Variants in TACC2 observed in about 807,000 individuals in gnomAD.
TACC2 encodes the protein transforming acidic coiled-coil containing protein 2.
In TACC2, 137 loss-of-function variants were observed where a neutral mutation model predicts 227.3. The ratio of observed to expected loss-of-function variants is 0.60; its 90% CI spans 0.52 to 0.69. TACC2 has a LOEUF of 0.69. TACC2 is among the 30% of genes least tolerant of loss of function. The pLI, the probability that TACC2 is intolerant of heterozygous loss-of-function variation, is 0.00. For synonymous variants in TACC2, 1,523 were observed against 1,487.5 expected (o/e 1.02, Z -0.55); for missense variants, 3,470 against 3,694.4 (o/e 0.94, Z 1.57).
intron 3 of TACC2, among the ~76,000 whole-genome samples, chr10:122,065,600 T>C (rs932515714): frequency 1.3e-5 from 2 of 152,200 alleles, no homozygotes; most frequent in African/African-American, 4.8e-5. Flanking sequence ...TATTGGATGG[T>C]GTTAAAAAAG....
In TACC2 at chr10:122,084,058, A is replaced by G; in HGVS notation, c.1558A>G (p.Lys520Glu). ...QPGVPPPPLP[K>E]EQSHEVQPGA... ...AGGAGTACCACCCCCTCCTCTTCCCAAGGAGCAAAGCCATGAGGTCCAACC... is the reference window on the plus strand; with the variant it reads ...AGGAGTACCACCCCCTCCTCTTCCCGAGGAGCAAAGCCATGAGGTCCAACC... Residue 520 changes from lysine to glutamate, a missense_variant, in exon 4 of 23, where the codon AAG becomes GAG. Around this residue, in one of 10 missense-constraint regions of TACC2, gnomAD observed 1,924 missense variants for 1,978.3 expected, o/e 0.97. Transcript: ENST00000369005. 1.9e-6 allele frequency: 3 copies of G among 1,614,072 alleles called. No individual in the cohort carries two copies. Among genetic ancestry groups the G allele is most frequent in the Non-Finnish European group, 2.5e-6 (3 of 1,180,010 alleles).
rs1360385252 is a variant in TACC2, at chr10:122,150,873, G to T, written c.5834+7167G>T. Among the ~76,000 whole-genome samples, 1 of 152,152 alleles carries T rather than the reference G, an allele frequency of 6.6e-6. No individual in the cohort carries two copies. Among genetic ancestry groups the T allele is most frequent in the Non-Finnish European group, 1.5e-5 (1 of 68,034 alleles). The stretch of plus-strand genomic sequence containing the variant: ...GCCAGCCTCTCGGCAGATACATCCC[G>T]GTTGATTCTATGCCACGGACTATTC... On this transcript the variant is annotated intron_variant, in intron 7 of 22. Transcript: ENST00000369005. This position sits in a 1 kb window ranked among gnomAD's most constrained non-coding sequence, Gnocchi z 4.0.
intron 1 of TACC2, among the ~76,000 whole-genome samples, chr10:121,995,559 A>G (rs1202499814): frequency 6.6e-6 from 1 of 152,178 alleles, no homozygotes; most frequent in Non-Finnish European, 1.5e-5. Flanking sequence ...GCATTGCTGT[A>G]AAGGAACACC....
chr10:122,038,470 G>A (rs1032577495), intron 2 of TACC2, among the ~76,000 whole-genome samples: 1 of 152,190 alleles, frequency 6.6e-6, no homozygotes, highest in Non-Finnish European at 1.5e-5. Flanking sequence ...GGAGTGAGTA[G>A]GTGGGGGACC....
At chr10:122,169,073 G>C (rs1182492805) in intron 7 of TACC2, among the ~76,000 whole-genome samples, 1 of 152,222 alleles carries the variant, frequency 6.6e-6, no homozygotes, top group East Asian at 1.9e-4. Context: ...GACTGAGTCA[G>C]AACTGCTCAC....
intron 3 of TACC2, among the ~76,000 whole-genome samples, chr10:122,061,021 G>C (rs1334937824): frequency 8.8e-3 from 78 of 8,888 alleles, no homozygotes; most frequent in East Asian, 0.023. Flanking sequence ...AAAAAAAAAG[G>C]GGGGGGGGCC....
intron 22 of TACC2, among the ~76,000 whole-genome samples, chr10:122,251,130 G>T (rs1228350589): frequency 1.3e-5 from 2 of 151,778 alleles, no homozygotes; most frequent in Non-Finnish European, 1.5e-5. Flanking sequence ...TCACTTTGTT[G>T]CCCAGGCTGG....
At chr10:122,108,240 A>G (rs560391644) in intron 5 of TACC2, among the ~76,000 whole-genome samples, 2 of 152,086 alleles carry the variant, frequency 1.3e-5, no homozygotes, top group East Asian at 3.9e-4. Flanking sequence ...GCTCCCACTT[A>G]TGAATGAGAA....
chr10:122,127,536 CTAAATT>C (rs1216991063), intron 5 of TACC2, among the ~76,000 whole-genome samples: 2 of 152,194 alleles, frequency 1.3e-5, no homozygotes, highest in South Asian at 2.1e-4. Context: ...GCTGGCCTGA[CTAAATT>C]TATAGTGGGC....
intron 11 of TACC2, among the ~76,000 whole-genome samples, chr10:122,224,382 C>T (rs1264967123): frequency 6.6e-6 from 1 of 152,156 alleles, no homozygotes; most frequent in East Asian, 1.9e-4. Context: ...AAACCCGCAC[C>T]CAGAATGCAC....
intron 11 of TACC2, among the ~76,000 whole-genome samples, chr10:122,217,734 G>A (rs980494447): frequency 2.6e-5 from 4 of 151,460 alleles, no homozygotes; most frequent in African/African-American, 9.7e-5. Flanking sequence ...GCTACCCCAT[G>A]CTTCCTTTTT....
In TACC2 at chr10:122,025,701, G is replaced by C. The variant is rs571239384; in HGVS notation, c.33+3687G>C. On this transcript the variant is annotated intron_variant, in intron 2 of 22. Coordinates refer to ENST00000369005, the MANE Select transcript of TACC2 (RefSeq NM_206862.4). ...CCATTCTCCTGCCTCAGTCTCCCAA[G>C]TAGCTGGGAGCTACAGGAGCCTGCC... 1.1e-4 allele frequency among the ~76,000 whole-genome samples: 17 copies of C among 151,342 alleles called. No individual in the cohort carries two copies. In the South Asian group the frequency reaches 2.9e-3, roughly 26 times the overall value.
In TACC2 at chr10:122,105,968, GTGTA is replaced by G. The variant is rs1565315843; in HGVS notation, c.5573+17383_5573+17386del. On this transcript the variant is annotated intron_variant, in intron 5 of 22. Coordinates refer to ENST00000369005, the MANE Select transcript of TACC2 (RefSeq NM_206862.4). ...TCTGTGTGTGTGTGTGTGTGTGTGT[GTGTA>G]TGTATATACATATACATTTTTTTTT... Among the ~76,000 whole-genome samples the G allele has an allele frequency of 1.4e-3, 180 of 129,596 alleles. 2 individuals are homozygous for G. The highest frequency in any genetic ancestry group is 4.8e-3 in the African/African-American group (173 of 36,370). 85.0% of individuals were successfully genotyped at this position (129,596 alleles called of 152,430 possible).
At chr10:122,177,700 C>T (rs534617980) in intron 7 of TACC2, among the ~76,000 whole-genome samples, 5 of 152,212 alleles carry the variant, frequency 3.3e-5, no homozygotes, top group South Asian at 2.1e-4. Flanking sequence ...GATCTGTGAT[C>T]GCAAACAAAC....
intron 5 of TACC2, among the ~76,000 whole-genome samples, chr10:122,125,150 C>T (rs955842270): frequency 1.3e-5 from 2 of 152,180 alleles, no homozygotes; most frequent in African/African-American, 4.8e-5. Context: ...CCCCCAGACT[C>T]TCCTTCCATC....
At position 122,084,913 on chromosome 10, in the gene TACC2, A is replaced by G. The variant is rs2079933338; in HGVS notation, c.2413A>G (p.Ile805Val). 1 of 1,614,094 alleles carries G rather than the reference A, an allele frequency of 6.2e-7. No individual in the cohort carries two copies. Among genetic ancestry groups the G allele is most frequent in the Admixed American group, 1.7e-5 (1 of 60,024 alleles). ...CATCCTGGACCAAGATCAGCAGGGA[A>G]TCCCATCCTGCCCAGGGGAAGGCTG... ...ALILDQDQQG[I>V]PSCPGEGWIR... is the part of the protein sequence containing the mutation. The change falls in exon 4 of 23, where the codon ATC becomes GTC. Residue 805 changes from isoleucine to valine, a missense_variant. Around this residue, in one of 10 missense-constraint regions of TACC2, gnomAD observed 1,924 missense variants for 1,978.3 expected, o/e 0.97. Coordinates refer to ENST00000369005, the MANE Select transcript of TACC2 (RefSeq NM_206862.4).
chr10:122,096,236 C>T (rs1467866230), intron 5 of TACC2, among the ~76,000 whole-genome samples: 3 of 152,184 alleles, frequency 2.0e-5, no homozygotes, highest in Admixed American at 6.5e-5. Context: ...TCCCATTGCA[C>T]CTGGGGGCTT....
chr10:122,215,509 G>A (rs1489436092), intron 10 of TACC2, 58 bp downstream of exon 10: 11 of 1,429,398 alleles, frequency 7.7e-6, no homozygotes, highest in African/African-American at 4.2e-5. Flanking sequence ...GGTTTTCTTC[G>A]CTTGTTGACA....
intron 7 of TACC2, among the ~76,000 whole-genome samples, chr10:122,143,968 G>T (rs1401409272): frequency 6.6e-6 from 1 of 152,148 alleles, no homozygotes; most frequent in Non-Finnish European, 1.5e-5. Flanking sequence ...CCAATAGGAT[G>T]GATAGATGGA....
Sources: allele counts gnomAD v4.1 joint callset (sites outside exome capture counted in the v4.1 genomes callset), GRCh38; gene constraint gnomAD v4.1.1; regional missense constraint gnomAD v4.1.1; non-coding constraint Gnocchi (gnomAD v3.1); transcripts MANE v1.5; gene names NCBI Gene and HGNC (gene_info 2026-07-23, HGNC 2026-07-21).